The following MYRFL variants were observed in gnomAD, a reference collection of about 807,000 sequenced individuals.
The protein encoded by MYRFL is myelin regulatory factor like, also known as myelin regulatory factor-like protein.
Under a neutral mutation model 109.4 loss-of-function variants are expected in MYRFL, and 88 were observed. That is an observed-to-expected ratio of 0.80 (90% CI 0.68 to 0.96). The LOEUF is 0.96. Among genes scored for constraint, MYRFL ranks in the 40% least tolerant of loss-of-function variants. The pLI is 0.00. For synonymous variants in MYRFL, 324 were observed against 320.9 expected (o/e 1.01, Z -0.10); for missense variants, 957 against 954.9 (o/e 1.00, Z -0.03).
intron 2 of MYRFL, among the ~76,000 whole-genome samples, chr12:69,866,050 A>T (rs34922115): frequency 0.016 from 2,451 of 152,298 alleles, 29 homozygotes; most frequent in African/African-American, 0.024. Context: ...TCATAGGTCA[A>T]TACGTGGCAA....
intron 16 of MYRFL, among the ~76,000 whole-genome samples, chr12:69,933,773 T>A (rs971369546): frequency 1.3e-5 from 2 of 152,180 alleles, no homozygotes; most frequent in Admixed American, 1.3e-4. Flanking sequence ...TTAGTGGACA[T>A]CCTTAGTATT....
chr12:69,953,483 G>C (rs1592902952), intron 21 of MYRFL, among the ~76,000 whole-genome samples: 1 of 152,218 alleles, frequency 6.6e-6, no homozygotes, highest in East Asian at 1.9e-4. Context: ...AGAATGGAGA[G>C]GGCTGGGCGT....
chr12:69,906,631 G>A (rs200373611), intron 11 of MYRFL, among the ~76,000 whole-genome samples: 15 of 152,302 alleles, frequency 9.8e-5, no homozygotes, highest in African/African-American at 2.6e-4. Flanking sequence ...CACAATACCC[G>A]TGTGCTAGTG....
chr12:69,897,177 A>C lies in MYRFL; in HGVS notation c.1113A>C (p.Gly371=), dbSNP rs778490582. ...PDQRYFMLVV[G]LYAANQDQFY... ...TTAGATACTTCATGTTGGTGGTTGGACTGTATGCTGCTAACCAAGACCAGT... is the reference window on the plus strand; with the variant it reads ...TTAGATACTTCATGTTGGTGGTTGGCCTGTATGCTGCTAACCAAGACCAGT... The change falls in exon 10 of 25, where the codon GGA becomes GGC. Residue 371 remains glycine (G), a synonymous_variant. Coordinates refer to ENST00000552032, the MANE Select transcript of MYRFL (RefSeq NM_182530.3). The C allele has an allele frequency of 1.2e-5, 19 of 1,535,560 alleles. No homozygotes were observed. In the South Asian group the frequency reaches 1.9e-4, roughly 15 times the overall value.
intron 15 of MYRFL, 121 bp downstream of exon 15, chr12:69,927,869 A>G (rs2120452643): frequency 2.4e-6 from 2 of 827,650 alleles, no homozygotes; most frequent in Non-Finnish European, 3.7e-6. Context: ...TTGCATCCTT[A>G]TGTACTATAT....
intron 11 of MYRFL, among the ~76,000 whole-genome samples, chr12:69,907,329 G>A (rs1252752569): frequency 6.6e-6 from 1 of 152,222 alleles, no homozygotes; most frequent in East Asian, 1.9e-4. Context: ...ATGTCTAGCA[G>A]TATGTCTTGG....
intron 16 of MYRFL, among the ~76,000 whole-genome samples, chr12:69,935,403 A>G (rs1955416331): frequency 6.6e-6 from 1 of 152,176 alleles, no homozygotes; most frequent in Non-Finnish European, 1.5e-5. Flanking sequence ...TCCCCCAAAG[A>G]GGAGAACACT....
chr12:69,852,691 T>C (rs1883955350), intron 1 of MYRFL, among the ~76,000 whole-genome samples: 1 of 149,188 alleles, frequency 6.7e-6, no homozygotes, highest in Non-Finnish European at 1.5e-5. Flanking sequence ...CAGATAAACA[T>C]GTGAACAAGG....
intron 19 of MYRFL, chr12:69,946,869 T>C (rs1010566298): frequency 1.3e-5 from 2 of 152,272 alleles, no homozygotes; most frequent in African/African-American, 4.8e-5. Context: ...CTATCCTGCC[T>C]CCATTGATTT....
At chr12:69,944,574 A>G (rs1241438532) in intron 19 of MYRFL, among the ~76,000 whole-genome samples, 2 of 150,876 alleles carry the variant, frequency 1.3e-5, no homozygotes, top group East Asian at 3.9e-4. Flanking sequence ...TGGGAGATAT[A>G]CCTAAGGCTA....
At chr12:69,831,102 T>C (rs1435197834) in intron 1 of MYRFL, among the ~76,000 whole-genome samples, 1 of 152,152 alleles carries the variant, frequency 6.6e-6, no homozygotes, top group East Asian at 1.9e-4. Context: ...CTTGTGTGCT[T>C]TTTAAAACAA....
At chr12:69,943,589 A>T (rs1221150518) in intron 19 of MYRFL, among the ~76,000 whole-genome samples, 2 of 151,690 alleles carry the variant, frequency 1.3e-5, no homozygotes, top group Non-Finnish European at 2.9e-5. Context: ...CCTAGAAGAA[A>T]ACCTAGGCAT....
In MYRFL at chr12:69,886,898, C is replaced by G; in HGVS notation, c.635C>G (p.Ser212Cys). ...AACAGAATGCCTACAGACCAGTGCT[C>G]TCCTGCTCTGAAGTGGCAACCATGC... ...GQNRMPTDQC[S>C]PALKWQPCHS... Residue 212 changes from serine (S) to cysteine (C), a missense_variant, in exon 6 of 25, where the codon TCT becomes TGT. Physicochemically the swap from Ser to Cys is moderately radical, Grantham distance 112 (BLOSUM62 -1). Coordinates refer to ENST00000552032, the MANE Select transcript of MYRFL (RefSeq NM_182530.3). 2 of 1,535,856 alleles carry G rather than the reference C, an allele frequency of 1.3e-6. No individual in the cohort carries two copies. The highest frequency in any genetic ancestry group is 1.2e-5 in the South Asian group (1 of 84,048).
At position 69,855,382 on chromosome 12, in the gene MYRFL, G is replaced by C. The variant is rs754810409; in HGVS notation, c.137+12G>C. ...GATTTGGGGGCCTTGTAAGTAATGA[G>C]AGCACTGCTCTCTAGTTGATGTTTA... On this transcript the variant is annotated intron_variant, in intron 2 of 24. Coordinates refer to ENST00000552032, the MANE Select transcript of MYRFL (RefSeq NM_182530.3). 5.7e-5 allele frequency: 40 copies of C among 702,422 alleles called. No homozygotes were observed. Among genetic ancestry groups the C allele is most frequent in the Non-Finnish European group, 1.0e-4 (39 of 384,696 alleles). The allele number at this position is 702,422 out of a possible 1,614,324, so 43.5% of individuals were successfully genotyped here.
chr12:69,939,754 G>T (rs971186374), intron 19 of MYRFL, among the ~76,000 whole-genome samples: 1 of 151,590 alleles, frequency 6.6e-6, no homozygotes, highest in Non-Finnish European at 1.5e-5. Flanking sequence ...TGAGCTACGG[G>T]AGGACATTCA....
At position 69,891,682 on chromosome 12, in the gene MYRFL, T is replaced by TTTCTTTCTTTCGTTCG. The variant is rs1277296623; in HGVS notation, c.903+519_903+520insTTTCTTTCGTTCGTTC. 1.4e-3 allele frequency among the ~76,000 whole-genome samples: 141 copies of TTTCTTTCTTTCGTTCG among 101,550 alleles called. 4 individuals carry two copies. Among genetic ancestry groups the TTTCTTTCTTTCGTTCG allele is most frequent in the East Asian group, 0.011 (38 of 3,618 alleles). 66.6% of individuals were successfully genotyped at this position (101,550 alleles called of 152,430 possible). Reference sequence around the variant, plus strand: ...CTTTCTTTCTTTCTTTCTTTCTTTCTTTCGTTCGTTCGTTCTTTCTTTCTT... The same window carrying TTTCTTTCTTTCGTTCG: ...CTTTCTTTCTTTCTTTCTTTCTTTCTTTCTTTCTTTCGTTCGTTCGTTCGTTCGTTCTTTCTTTCTT... On this transcript the variant is annotated intron_variant, in intron 7 of 24. Coordinates refer to ENST00000552032, the MANE Select transcript of MYRFL (RefSeq NM_182530.3).
chr12:69,922,149 G>C (rs1409390133), intron 13 of MYRFL, among the ~76,000 whole-genome samples: 11 of 152,100 alleles, frequency 7.2e-5, no homozygotes, highest in Non-Finnish European at 1.5e-4. Context: ...AGGGGTTAGA[G>C]AGGACGGCTG....
chr12:69,932,038 G>A (rs531272368), intron 15 of MYRFL, among the ~76,000 whole-genome samples: 1 of 152,200 alleles, frequency 6.6e-6, no homozygotes, highest in Non-Finnish European at 1.5e-5. Context: ...AAAGTGTTTA[G>A]TGGGATTTCA....
chr12:69,957,451 C>T (rs1452917732), intron 22 of MYRFL, among the ~76,000 whole-genome samples: 2 of 152,176 alleles, frequency 1.3e-5, no homozygotes, highest in Non-Finnish European at 2.9e-5. Flanking sequence ...CTATCATACA[C>T]AGCCAGGCTA....
Sources: allele counts gnomAD v4.1 joint callset (sites outside exome capture counted in the v4.1 genomes callset), GRCh38; gene constraint gnomAD v4.1.1; transcripts MANE v1.5; gene names NCBI Gene and HGNC (gene_info 2026-07-23, HGNC 2026-07-21).